Variants in CADM2 observed in about 807,000 individuals in gnomAD.
CADM2 encodes immunoglobulin superfamily member 4D.
A neutral mutation model predicts 49.8 loss-of-function variants in CADM2; 12 were observed. The ratio of observed to expected loss-of-function variants is 0.24; its 90% CI spans 0.15 to 0.39. The LOEUF (loss-of-function observed/expected upper bound fraction) is 0.39, where lower values mean the gene tolerates loss of function less well. Among genes scored for constraint, CADM2 ranks in the 10% least tolerant of loss-of-function variants. The pLI is 1.00. For missense variants in CADM2, 378 were observed against 492.3 expected (o/e 0.77, Z 2.20); for synonymous variants, 214 against 175.4 (o/e 1.22, Z -1.74).
intron 1 of CADM2, among the ~76,000 whole-genome samples, chr3:85,002,601 C>A (rs2107220837): frequency 6.6e-6 from 1 of 152,040 alleles, no homozygotes; most frequent in South Asian, 2.1e-4. Flanking sequence ...TTTGTCTTTC[C>A]TTTTTATTAT....
intron 1 of CADM2, among the ~76,000 whole-genome samples, chr3:85,721,728 A>G (rs2067510810): frequency 6.6e-6 from 1 of 152,178 alleles, no homozygotes; most frequent in Admixed American, 6.5e-5. Flanking sequence ...CCAAAGTGGG[A>G]GCCACAGCCC....
intron 8 of CADM2, among the ~76,000 whole-genome samples, chr3:86,054,658 A>G (rs1256545429): frequency 1.3e-5 from 2 of 151,944 alleles, no homozygotes; most frequent in Non-Finnish European, 1.5e-5. Flanking sequence ...CTTCTATACT[A>G]TTTTTGTTGT....
chr3:85,470,244 C>T (rs780368299), intron 1 of CADM2, among the ~76,000 whole-genome samples: 7 of 151,960 alleles, frequency 4.6e-5, no homozygotes, highest in East Asian at 3.9e-4. Flanking sequence ...AATAACAATG[C>T]GAAGAATATA....
At chr3:85,772,008 C>CTTTT (rs397938377) in intron 2 of CADM2, among the ~76,000 whole-genome samples, 431 of 111,702 alleles carry the variant, frequency 3.9e-3, no homozygotes, top group Non-Finnish European at 4.9e-3. Flanking sequence ...TTCTTTCTTT[C>CTTTT]TTTTTTTTTT....
At chr3:85,821,354 A>C (rs1202350143) in intron 3 of CADM2, among the ~76,000 whole-genome samples, 1 of 152,138 alleles carries the variant, frequency 6.6e-6, no homozygotes, top group East Asian at 1.9e-4. Context: ...TCAATCCTTC[A>C]TCTGTCCTGG....
chr3:85,540,161 G>A (rs1240937476), intron 1 of CADM2, among the ~76,000 whole-genome samples: 1 of 152,058 alleles, frequency 6.6e-6, no homozygotes, highest in African/African-American at 2.4e-5. Context: ...ATGAAATCTT[G>A]TAGGATTATA....
At chr3:85,620,077 G>A (rs1420874434) in intron 1 of CADM2, among the ~76,000 whole-genome samples, 1 of 152,108 alleles carries the variant, frequency 6.6e-6, no homozygotes, top group Non-Finnish European at 1.5e-5. Context: ...CTATTTGCAG[G>A]CAGCATTGAT....
chr3:85,660,850 C>T (rs1003623350), intron 1 of CADM2, among the ~76,000 whole-genome samples: 9 of 151,220 alleles, frequency 6.0e-5, no homozygotes, highest in Non-Finnish European at 1.3e-4. Flanking sequence ...TTTTTCCCTC[C>T]GTCTTTCTCT....
chr3:85,366,185 A>T (rs1207828446), intron 1 of CADM2, among the ~76,000 whole-genome samples: 1 of 152,168 alleles, frequency 6.6e-6, no homozygotes, highest in Non-Finnish European at 1.5e-5. Flanking sequence ...TAGAGATATA[A>T]TTTTTGCAAA....
At chr3:85,615,957 A>G (rs1484118502) in intron 1 of CADM2, among the ~76,000 whole-genome samples, 1 of 152,052 alleles carries the variant, frequency 6.6e-6, no homozygotes, top group East Asian at 1.9e-4. Flanking sequence ...AAGAGGTTCA[A>G]GAAATTCACC....
At chr3:85,165,551 A>G (rs1302828219) in intron 1 of CADM2, among the ~76,000 whole-genome samples, 1 of 151,862 alleles carries the variant, frequency 6.6e-6, no homozygotes, top group South Asian at 2.1e-4. Flanking sequence ...GTGTTTTTTC[A>G]TAGTGACTTA....
At chr3:85,980,780 A>G (rs1313065077) in intron 8 of CADM2, among the ~76,000 whole-genome samples, 2 of 151,598 alleles carry the variant, frequency 1.3e-5, no homozygotes, top group Non-Finnish European at 3.0e-5. Context: ...TACTAACACA[A>G]TATCTGCTAT....
At chr3:85,203,879 A>C (rs552870318) in intron 1 of CADM2, among the ~76,000 whole-genome samples, 1 of 152,302 alleles carries the variant, frequency 6.6e-6, no homozygotes, top group East Asian at 1.9e-4. Context: ...AAAATCTTTT[A>C]TTGCCCATTT....
intron 1 of CADM2, among the ~76,000 whole-genome samples, chr3:85,652,049 C>G (rs1254887193): frequency 6.9e-6 from 1 of 145,156 alleles, no homozygotes; most frequent in African/African-American, 2.6e-5. Flanking sequence ...GATCTCCTGA[C>G]CTCGTGATCC....
rs1045969256 is a variant in CADM2, at chr3:85,191,048, A to T, written c.61+231380A>T. Reference sequence around the variant, plus strand: ...GTGTAGTTCATTTTGCTTTGTAATTAGCATAGATGAATGATATTCTGTTGG... The same window carrying T: ...GTGTAGTTCATTTTGCTTTGTAATTTGCATAGATGAATGATATTCTGTTGG... On this transcript the variant is annotated intron_variant, in intron 1 of 9. Transcript: ENST00000383699. 3.6e-4 allele frequency among the ~76,000 whole-genome samples: 55 copies of T among 152,090 alleles called. 2 individuals carry two copies.
At chr3:85,955,097 T>C (rs551925591) in intron 7 of CADM2, among the ~76,000 whole-genome samples, 116 of 151,530 alleles carry the variant, frequency 7.7e-4, no homozygotes, top group Middle Eastern at 6.8e-3. Context: ...CTGCTTTGTC[T>C]TAAAGGAAGT....
chr3:85,654,473 A>T (rs2065139942), intron 1 of CADM2, among the ~76,000 whole-genome samples: 1 of 152,174 alleles, frequency 6.6e-6, no homozygotes, highest in African/African-American at 2.4e-5. Context: ...CATTGATGAA[A>T]GCTTGCAGAA....
chr3:85,854,538 CA>C (rs1228415101), intron 3 of CADM2, among the ~76,000 whole-genome samples: 14 of 152,136 alleles, frequency 9.2e-5, no homozygotes, highest in Middle Eastern at 3.4e-3. Flanking sequence ...AGCAGAAAAC[CA>C]AACACCAAAT....
At chr3:85,367,117 C>A (rs1207918705) in intron 1 of CADM2, among the ~76,000 whole-genome samples, 1 of 151,620 alleles carries the variant, frequency 6.6e-6, no homozygotes, top group Non-Finnish European at 1.5e-5. Flanking sequence ...TATATAATAT[C>A]AAAATTGATA....
Sources: gnomAD v4.1 joint callset for allele counts (sites outside exome capture counted in the v4.1 genomes callset) on GRCh38, gnomAD v4.1.1 for gene constraint, MANE v1.5 for transcripts, NCBI Gene and HGNC (gene_info 2026-07-23, HGNC 2026-07-21) for gene names.